TNNI3K: variants seen among roughly 807,000 people sequenced by gnomAD.
TNNI3K encodes TNNI3 interacting kinase.
In TNNI3K, 140 loss-of-function variants were observed where a neutral mutation model predicts 114.5. The observed-to-expected ratio is 1.22, with a 90% CI of 1.07 to 1.41. TNNI3K has a LOEUF of 1.41. TNNI3K is among the 40% of genes most tolerant of loss of function. The pLI is 0.00. For missense variants in TNNI3K, 1,125 were observed against 1,007.6 expected, an observed-to-expected ratio of 1.12 and a Z score of -1.58; for synonymous variants, 347 against 347.5, an observed-to-expected ratio of 1.00 and a Z score of 0.02.
chr1:74,513,773 G>C (rs2100389725), intron 23 of TNNI3K, among the ~76,000 whole-genome samples: 1 of 152,294 alleles, frequency 6.6e-6, no homozygotes, highest in East Asian at 1.9e-4. Context: ...TTACTTTACA[G>C]TTTAGTGAAT....
At chr1:74,394,345 G>A (rs575293731) in intron 17 of TNNI3K, among the ~76,000 whole-genome samples, 43 of 152,232 alleles carry the variant, frequency 2.8e-4, no homozygotes, top group African/African-American at 5.5e-4. Context: ...CTTTTAGAGC[G>A]TGCTTAACCA....
chr1:74,327,038 G>A (rs1249564946), intron 5 of TNNI3K, among the ~76,000 whole-genome samples: 5 of 148,240 alleles, frequency 3.4e-5, no homozygotes, highest in African/African-American at 7.5e-5. Context: ...CCGAGATTGC[G>A]CCACTGCACT....
chr1:74,417,119 TGAAA>T (rs1056370118), intron 17 of TNNI3K, among the ~76,000 whole-genome samples: 13 of 151,886 alleles, frequency 8.6e-5, no homozygotes, highest in Admixed American at 6.6e-4. Flanking sequence ...AGAGAAAAGA[TGAAA>T]GAGAGAGAAA....
intron 21 of TNNI3K, 128 bp from the exon 22 acceptor site, chr1:74,489,061 A>AT: frequency 2.8e-6 from 2 of 709,078 alleles, no homozygotes; most frequent in East Asian, 6.0e-5. Context: ...ATAAAAGTGT[A>AT]TTTTAAATAA....
At chr1:74,273,466 T>C (rs1378651983) in intron 5 of TNNI3K, among the ~76,000 whole-genome samples, 2 of 152,014 alleles carry the variant, frequency 1.3e-5, no homozygotes, top group Non-Finnish European at 2.9e-5. Flanking sequence ...TAACTTCTAG[T>C]AAAACATGAT....
At chr1:74,474,024 T>C (rs1397071496) in intron 21 of TNNI3K, among the ~76,000 whole-genome samples, 2 of 152,146 alleles carry the variant, frequency 1.3e-5, no homozygotes, top group Non-Finnish European at 2.9e-5. Context: ...CCCTCTCTAG[T>C]TCTGGTACAA....
Position 74,361,950 on chromosome 1 carries a change from G to A in TNNI3K, c.1178-5306G>A, listed in dbSNP as rs554874505. Among the ~76,000 whole-genome samples, 5 of 152,242 alleles carry A rather than the reference G, an allele frequency of 3.3e-5. No individual in the cohort carries two copies. In the East Asian group the frequency reaches 7.7e-4, roughly 24 times the overall value. ...TCTTCTCTTAAGGTAAAGGACCAGT[G>A]ACATCCTTACTGGGGCCTGCTGATT... is the stretch of plus-strand genomic sequence containing the variant. On this transcript the variant is annotated intron_variant, in intron 11 of 24. Coordinates refer to ENST00000326637, the MANE Select transcript of TNNI3K (RefSeq NM_015978.3).
At chr1:74,391,957 A>ATTT (rs34656417) in intron 17 of TNNI3K, among the ~76,000 whole-genome samples, 1,519 of 92,958 alleles carry the variant, frequency 0.016, 208 homozygotes, top group African/African-American at 0.055. Flanking sequence ...ACAGCTTATT[A>ATTT]TTTTTTTTTT....
At chr1:74,507,229 C>CT (rs1482242262) in intron 23 of TNNI3K, among the ~76,000 whole-genome samples, 1 of 139,478 alleles carries the variant, frequency 7.2e-6, no homozygotes, top group Non-Finnish European at 1.6e-5. Context: ...CTTCACCCCC[C>CT]CCCCATCTTT....
intron 21 of TNNI3K, chr1:74,471,377 G>A (rs1667924855): frequency 7.5e-6 from 3 of 400,566 alleles, no homozygotes; most frequent in South Asian, 1.3e-4. Flanking sequence ...AATTTCTTAG[G>A]AGGCAACAAT....
At position 74,359,106 on chromosome 1, in the gene TNNI3K, C is replaced by G. The variant is rs142302506; in HGVS notation, c.1177+4977C>G. Among the ~76,000 whole-genome samples, 960 of 152,072 alleles carry G rather than the reference C, an allele frequency of 6.3e-3. 11 individuals carry two copies. The highest frequency in any genetic ancestry group is 0.022 in the African/African-American group (919 of 41,514). ...TCTGTCTTGTTGTAGAATTCAAGCT[C>G]TTACCAACACACTGTAAAATTAGAT... On this transcript the variant is annotated intron_variant, in intron 11 of 24. Coordinates refer to ENST00000326637, the MANE Select transcript of TNNI3K (RefSeq NM_015978.3).
rs112870622 is a variant in TNNI3K at position 74,453,652 on chromosome 1, C to A, written c.2012-9789C>A. 2.0e-5 allele frequency among the ~76,000 whole-genome samples: 3 copies of A among 152,254 alleles called. No homozygotes were observed. The South Asian group carries it at 6.2e-4, about 32-fold the overall frequency. On this transcript the variant is annotated intron_variant, in intron 20 of 24. Transcript: ENST00000326637. ...TCAGAAAAGCTTGAAGTTAGGGTCT[C>A]TTTTGCATCTCACATGTTCAAATTA...
At chr1:74,382,780 G>C (rs1663266860) in intron 17 of TNNI3K, among the ~76,000 whole-genome samples, 1 of 152,166 alleles carries the variant, frequency 6.6e-6, no homozygotes, top group South Asian at 2.1e-4. Flanking sequence ...AAGCATGCCT[G>C]GTGCCATAGA....
chr1:74,347,360 A>C (rs1464459707), intron 9 of TNNI3K, among the ~76,000 whole-genome samples: 4 of 151,896 alleles, frequency 2.6e-5, no homozygotes, highest in African/African-American at 9.7e-5. Context: ...ATAGTATTCC[A>C]TGGTGTATAT....
At chr1:74,238,650 G>A (rs1472873932) in intron 2 of TNNI3K, among the ~76,000 whole-genome samples, 1 of 152,054 alleles carries the variant, frequency 6.6e-6, no homozygotes, top group Non-Finnish European at 1.5e-5. Flanking sequence ...AAAGGGATTT[G>A]AAGAATTTTG....
At chr1:74,494,921 G>A (rs1669251176) in intron 23 of TNNI3K, among the ~76,000 whole-genome samples, 1 of 151,976 alleles carries the variant, frequency 6.6e-6, no homozygotes, top group African/African-American at 2.4e-5. Flanking sequence ...TACACGGAGA[G>A]CTACACAGAA....
At chr1:74,405,299 T>TA (rs1435521986) in intron 17 of TNNI3K, among the ~76,000 whole-genome samples, 2 of 152,220 alleles carry the variant, frequency 1.3e-5, no homozygotes, top group East Asian at 1.9e-4. Context: ...GATATGAGTC[T>TA]AAAAAAACCA....
chr1:74,508,017 A>G (rs1043204084), intron 23 of TNNI3K, among the ~76,000 whole-genome samples: 1 of 152,204 alleles, frequency 6.6e-6, no homozygotes, highest in Non-Finnish European at 1.5e-5. Flanking sequence ...ATAGACCCCA[A>G]ATGTATTATA....
chr1:74,464,964 G>C, intron 21 of TNNI3K: 1 of 1,219,910 alleles, frequency 8.2e-7, no homozygotes, highest in Non-Finnish European at 1.0e-6. Context: ...TCTGAATTTT[G>C]ATGTCCAGAA....
Sources: gnomAD v4.1 joint callset for allele counts (sites outside exome capture counted in the v4.1 genomes callset) on GRCh38, gnomAD v4.1.1 for gene constraint, MANE v1.5 for transcripts, NCBI Gene and HGNC (gene_info 2026-07-23, HGNC 2026-07-21) for gene names.